The following ADORA2B variants were observed in gnomAD, a reference collection of about 807,000 sequenced individuals.
ADORA2B encodes the protein adenosine receptor A2b.
ADORA2B carries 18 observed loss-of-function variants against 20.8 expected under a neutral mutation model. The ratio of observed to expected loss-of-function variants is 0.87; its 90% CI spans 0.60 to 1.29. The LOEUF (loss-of-function observed/expected upper bound fraction) is 1.29, where lower values mean the gene tolerates loss of function less well. ADORA2B is among the 50% of genes most tolerant of loss of function. ADORA2B has a pLI of 0.00. For synonymous variants in ADORA2B, 179 were observed against 178.3 expected, an observed-to-expected ratio of 1.00 and a Z score of -0.03; for missense variants, 441 against 422.7, an observed-to-expected ratio of 1.04 and a Z score of -0.38.
At chr17:15,903,356 A>G in the ADORA2B span, among the ~76,000 whole-genome samples, 2 of 152,222 alleles carry the variant, frequency 1.3e-5, no homozygotes, top group South Asian at 2.1e-4. Context: ...TGGAAAATAT[A>G]TATTATTTTC....
chr17:15,953,405 A>AC (rs1969930165), intron 1 of ADORA2B, among the ~76,000 whole-genome samples: 1 of 152,118 alleles, frequency 6.6e-6, no homozygotes, highest in African/African-American at 2.4e-5. Flanking sequence ...AAAGCAAGAG[A>AC]CCCCCACCAG....
intron 1 of ADORA2B, among the ~76,000 whole-genome samples, chr17:15,971,386 T>C (rs73276045): frequency 6.6e-6 from 1 of 152,308 alleles, no homozygotes; most frequent in African/African-American, 2.4e-5. Flanking sequence ...GTGAAAAAAC[T>C]GAGCCCAGCA....
chr17:15,926,127 A>C, the ADORA2B span, among the ~76,000 whole-genome samples: 1 of 152,126 alleles, frequency 6.6e-6, no homozygotes, highest in Non-Finnish European at 1.5e-5. Flanking sequence ...GGTTTTATTT[A>C]CTTGCACGCT....
the ADORA2B span, among the ~76,000 whole-genome samples, chr17:15,876,414 CTTTT>C: frequency 7.3e-6 from 1 of 137,634 alleles, no homozygotes; most frequent in African/African-American, 2.6e-5. Flanking sequence ...AGCTTAAGGT[CTTTT>C]TTTTTTCTTT....
At chr17:15,939,097 G>A in the ADORA2B span, among the ~76,000 whole-genome samples, 144,985 of 152,200 alleles carry the variant, frequency 0.95, 69,292 homozygotes, top group Non-Finnish European at 0.99. Flanking sequence ...CCGGAGTGCA[G>A]CGGTGGGATC....
At chr17:15,938,117 A>C in the ADORA2B span, among the ~76,000 whole-genome samples, 1 of 151,712 alleles carries the variant, frequency 6.6e-6, no homozygotes, top group Admixed American at 6.6e-5. Flanking sequence ...GGCCAAGGTG[A>C]GTGGATCACA....
At chr17:15,954,627 T>C (rs1034711957) in intron 1 of ADORA2B, among the ~76,000 whole-genome samples, 17 of 152,138 alleles carry the variant, frequency 1.1e-4, no homozygotes, top group African/African-American at 4.1e-4. Context: ...TTTGGCCTGG[T>C]GCAATGGCTC....
At chr17:15,867,117 C>T in the ADORA2B span, among the ~76,000 whole-genome samples, 2 of 151,918 alleles carry the variant, frequency 1.3e-5, no homozygotes, top group African/African-American at 2.4e-5. Context: ...AGTGCAGTGG[C>T]GTGATCTCGG....
At chr17:15,879,758 T>C in the ADORA2B span, among the ~76,000 whole-genome samples, 1 of 150,512 alleles carries the variant, frequency 6.6e-6, no homozygotes, top group African/African-American at 2.5e-5. Context: ...AGGATGGTCT[T>C]GATCTCCTGA....
At chr17:15,966,772 G>A (rs1339415374) in intron 1 of ADORA2B, among the ~76,000 whole-genome samples, 1 of 152,238 alleles carries the variant, frequency 6.6e-6, no homozygotes, top group East Asian at 1.9e-4. Context: ...GGCCTGCAAA[G>A]GCTGGGATTG....
the ADORA2B span, among the ~76,000 whole-genome samples, chr17:15,912,228 A>C: frequency 8.7e-3 from 1,325 of 151,630 alleles, 26 homozygotes; most frequent in African/African-American, 0.03. Flanking sequence ...AAAAAAAAAA[A>C]AAAAGCCAGG....
At chr17:15,860,466 C>CT in the ADORA2B span, among the ~76,000 whole-genome samples, 1 of 152,108 alleles carries the variant, frequency 6.6e-6, no homozygotes, top group Non-Finnish European at 1.5e-5. Flanking sequence ...TCCTGCCACT[C>CT]TGTCTCTCTC....
chr17:15,904,315 C>A, the ADORA2B span, among the ~76,000 whole-genome samples: 1 of 150,480 alleles, frequency 6.6e-6, no homozygotes, highest in African/African-American at 2.4e-5. Context: ...TTACTGTTGT[C>A]TGTAAAAACT....
the ADORA2B span, among the ~76,000 whole-genome samples, chr17:15,914,590 G>C: frequency 6.6e-6 from 1 of 152,194 alleles, no homozygotes; most frequent in Non-Finnish European, 1.5e-5. Context: ...CCATATAGCT[G>C]GTCTGTCTAC....
chr17:15,860,080 G>C, the ADORA2B span, among the ~76,000 whole-genome samples: 12,435 of 152,188 alleles, frequency 0.082, 1,421 homozygotes, highest in African/African-American at 0.25. Flanking sequence ...GTCCTGTTCT[G>C]TTCCGTTCTA....
At chr17:15,921,082 T>A in the ADORA2B span, among the ~76,000 whole-genome samples, 1,487 of 152,342 alleles carry the variant, frequency 9.8e-3, 43 homozygotes, top group Admixed American at 0.042. Context: ...AGTGAGCCAG[T>A]GGGGCACCCG....
chr17:15,938,204 G>C, the ADORA2B span, among the ~76,000 whole-genome samples: 1 of 151,426 alleles, frequency 6.6e-6, no homozygotes, highest in South Asian at 2.1e-4. Context: ...AAGGAAGGAA[G>C]GAAGTTAGAA....
intron 1 of ADORA2B, among the ~76,000 whole-genome samples, chr17:15,964,905 C>T (rs548385920): frequency 6.6e-6 from 1 of 151,802 alleles, no homozygotes. Context: ...ACTAAAAATA[C>T]AAAAAATTAG....
At chr17:15,876,622 G>A in the ADORA2B span, among the ~76,000 whole-genome samples, 12,555 of 151,430 alleles carry the variant, frequency 0.083, 1,457 homozygotes, top group African/African-American at 0.26. Context: ...CTGTTTTTCT[G>A]TCTCTTTGCC....
Sources: allele counts gnomAD v4.1 joint callset (sites outside exome capture counted in the v4.1 genomes callset), GRCh38; gene constraint gnomAD v4.1.1; transcripts MANE v1.5; gene names NCBI Gene and HGNC (gene_info 2026-07-23, HGNC 2026-07-21).